Variants in PNPT1 observed in about 807,000 individuals in gnomAD.
PNPT1 encodes the protein polyribonucleotide nucleotidyltransferase 1, also known as polyribonucleotide nucleotidyltransferase 1, mitochondrial.
In PNPT1, 53 loss-of-function variants were observed where a neutral mutation model predicts 119.5. The observed-to-expected ratio is 0.44, with a 90% confidence interval of 0.36 to 0.56. The LOEUF is 0.56. PNPT1 is among the 20% of genes least tolerant of loss of function. The pLI is 0.00. For missense variants in PNPT1, 948 were observed against 938.5 expected (o/e 1.01, Z -0.13); for synonymous variants, 357 against 322.1 (o/e 1.11, Z -1.16).
intron 11 of PNPT1, among the ~76,000 whole-genome samples, chr2:55,669,762 CTT>C (rs57731680): frequency 3.1e-4 from 1 of 3,240 alleles, no homozygotes; most frequent in Non-Finnish European, 2.0e-3. Context: ...GCTAACAGCA[CTT>C]TTTTTTTTTT....
intron 18 of PNPT1, among the ~76,000 whole-genome samples, chr2:55,653,370 G>C (rs1465559614): frequency 1.3e-5 from 2 of 152,176 alleles, no homozygotes; most frequent in African/African-American, 4.8e-5. Context: ...TTATAGTCAA[G>C]GATGAGTTTT....
intron 15 of PNPT1, among the ~76,000 whole-genome samples, chr2:55,657,379 T>C (rs1300057116): frequency 6.7e-6 from 1 of 148,948 alleles, no homozygotes; most frequent in Non-Finnish European, 1.5e-5. Flanking sequence ...TTAACAAGAA[T>C]TTTTTTTTTG....
At position 55,646,498 on chromosome 2, in the gene PNPT1, T is replaced by C; in HGVS notation, c.1603-12A>G. 1.3e-6 allele frequency: 2 copies of C among 1,593,064 alleles called. No individual in the cohort carries two copies. The highest frequency in any genetic ancestry group is 8.5e-7 in the Non-Finnish European group (1 of 1,170,186). ...TAATCTTCAATTCCCTTCAGGAATT[T>C]AAAAAGTTATGACATAGTTTTAAAC... On this transcript the variant is annotated splice_polypyrimidine_tract_variant and intron_variant, in intron 19 of 27. Coordinates refer to ENST00000447944, the MANE Select transcript of PNPT1 (RefSeq NM_033109.5).
rs536732235 is a variant in PNPT1 at position 55,642,422 on chromosome 2, A to C, written c.2069+736T>G. On this transcript the variant is annotated intron_variant, in intron 25 of 27. Coordinates refer to ENST00000447944, the MANE Select transcript of PNPT1 (RefSeq NM_033109.5). ...GAGATCGAGACCATCCTGGCTAACA[A>C]GGTAAAACCCCGTCTCTACTAAAAA... Among the ~76,000 whole-genome samples, 117 of 151,340 alleles carry C rather than the reference A, an allele frequency of 7.7e-4. 1 individual carries two copies. Among genetic ancestry groups the C allele is most frequent in the African/African-American group, 2.2e-3 (91 of 41,312 alleles).
intron 3 of PNPT1, among the ~76,000 whole-genome samples, chr2:55,685,995 C>T (rs552505247): frequency 1.8e-4 from 27 of 152,224 alleles, no homozygotes; most frequent in African/African-American, 6.0e-4. Flanking sequence ...CCAATATTTT[C>T]GATCCATGGT....
chr2:55,693,550 G>A (rs1697690035), intron 1 of PNPT1, 113 bp downstream of exon 1: 1 of 1,449,560 alleles, frequency 6.9e-7, no homozygotes, highest in South Asian at 1.3e-5. Context: ...TTTAGGGTAA[G>A]GAGAGATTAA....
At chr2:55,662,435 G>A (rs899109379) in intron 13 of PNPT1, among the ~76,000 whole-genome samples, 1 of 152,200 alleles carries the variant, frequency 6.6e-6, no homozygotes, top group Non-Finnish European at 1.5e-5. Context: ...CCAGCACTTT[G>A]GGAGGCTGAG....
At chr2:55,651,941 T>C (rs1696225673) in intron 18 of PNPT1, among the ~76,000 whole-genome samples, 1 of 150,426 alleles carries the variant, frequency 6.6e-6, no homozygotes. Flanking sequence ...TTTATTACCT[T>C]AACACCTCTT....
At chr2:55,692,036 C>T (rs1697635572) in intron 1 of PNPT1, among the ~76,000 whole-genome samples, 1 of 151,498 alleles carries the variant, frequency 6.6e-6, no homozygotes, top group South Asian at 2.1e-4. Flanking sequence ...CAGGTGCTTG[C>T]CACCACGCCC....
At chr2:55,663,687 A>C (rs890796473) in intron 13 of PNPT1, among the ~76,000 whole-genome samples, 2 of 152,116 alleles carry the variant, frequency 1.3e-5, no homozygotes, top group African/African-American at 4.8e-5. Context: ...AGAACAAAAA[A>C]CACTGAAACG....
intron 25 of PNPT1, among the ~76,000 whole-genome samples, chr2:55,641,120 A>G (rs567639406): frequency 1.3e-5 from 2 of 152,022 alleles, no homozygotes; most frequent in East Asian, 3.9e-4. Context: ...GCTACTCAGG[A>G]GGGTGAGGCA....
intron 18 of PNPT1, among the ~76,000 whole-genome samples, chr2:55,648,159 T>C (rs1696058960): frequency 6.6e-6 from 1 of 152,188 alleles, no homozygotes; most frequent in African/African-American, 2.4e-5. Flanking sequence ...TCCTAGAAAA[T>C]TTCTGTGCAC....
chr2:55,646,545 C>A, intron 19 of PNPT1, 59 bp from the exon 20 acceptor site: 1 of 1,384,036 alleles, frequency 7.2e-7, no homozygotes, highest in Non-Finnish European at 1.0e-6. Flanking sequence ...TCAACATATT[C>A]ACTGTAGAAA....
At chr2:55,682,453 T>C (rs1697277657) in intron 5 of PNPT1, among the ~76,000 whole-genome samples, 1 of 151,310 alleles carries the variant, frequency 6.6e-6, no homozygotes, top group Admixed American at 6.6e-5. Context: ...AGAGGGAGAC[T>C]CTGTCTCAAA....
chr2:55,643,494 C>T, intron 23 of PNPT1, 69 bp from the exon 24 acceptor site: 2 of 1,362,274 alleles, frequency 1.5e-6, no homozygotes, highest in Non-Finnish European at 2.1e-6. Flanking sequence ...TCTGTAATCC[C>T]AGCACTCTGG....
intron 5 of PNPT1, among the ~76,000 whole-genome samples, chr2:55,681,177 A>T (rs983785892): frequency 6.7e-6 from 1 of 149,944 alleles, no homozygotes; most frequent in African/African-American, 2.5e-5. Flanking sequence ...GAGGCTGAGG[A>T]GGGCGGATCA....
At chr2:55,688,742 A>AC (rs1697499052) in intron 1 of PNPT1, among the ~76,000 whole-genome samples, 1 of 151,956 alleles carries the variant, frequency 6.6e-6, no homozygotes, top group Non-Finnish European at 1.5e-5. Context: ...AAACAAAACA[A>AC]AACAACAACA....
chr2:55,658,247 A>C (rs1053981188), intron 15 of PNPT1, among the ~76,000 whole-genome samples: 3 of 152,132 alleles, frequency 2.0e-5, no homozygotes, highest in Non-Finnish European at 4.4e-5. Context: ...AAACTAAAAC[A>C]AAAAAGGAAA....
Position 55,650,754 on chromosome 2 carries a change from C to T in PNPT1, c.1496-3301G>A, listed in dbSNP as rs564711656. 5.3e-5 allele frequency among the ~76,000 whole-genome samples: 8 copies of T among 150,058 alleles called. No individual in the cohort carries two copies. The East Asian group carries it at 1.6e-3, about 30-fold the overall frequency. On this transcript the variant is annotated intron_variant, in intron 18 of 27. Coordinates refer to ENST00000447944, the MANE Select transcript of PNPT1 (RefSeq NM_033109.5). ...AGTGAGGAGACCCTCCGCCCGGCAA[C>T]CGCCCAGTCTGAGAAGTGAGGAGCC...
Sources: allele counts gnomAD v4.1 joint callset (sites outside exome capture counted in the v4.1 genomes callset), GRCh38; gene constraint gnomAD v4.1.1; transcripts MANE v1.5; gene names NCBI Gene and HGNC (gene_info 2026-07-23, HGNC 2026-07-21).